The following CSMD3 variants were observed in gnomAD, a reference collection of about 807,000 sequenced individuals.
CSMD3 encodes CUB and sushi domain-containing protein 3.
CSMD3 carries 177 observed loss-of-function variants against 435.2 expected under a neutral mutation model. The ratio of observed to expected loss-of-function variants is 0.41; its 90% CI spans 0.36 to 0.46. The LOEUF is 0.46. Ranked by LOEUF, CSMD3 falls within the 20% of genes least tolerant of loss-of-function variation. CSMD3 has a pLI of 0.34. For synonymous variants in CSMD3, 1,656 were observed against 1,520.5 expected (o/e 1.09, Z -2.07); for missense variants, 4,265 against 4,504.6 (o/e 0.95, Z 1.52).
At chr8:112,931,804 T>C (rs2130710732) in intron 9 of CSMD3, among the ~76,000 whole-genome samples, 1 of 152,280 alleles carries the variant, frequency 6.6e-6, no homozygotes, top group Non-Finnish European at 1.5e-5. Flanking sequence ...CTGACATTTC[T>C]TAAAGGAAGA....
At chr8:113,193,829 T>C (rs1206497042) in intron 3 of CSMD3, among the ~76,000 whole-genome samples, 1 of 151,422 alleles carries the variant, frequency 6.6e-6, no homozygotes, top group Non-Finnish European at 1.5e-5. Flanking sequence ...ACATATGCAA[T>C]CTTGTTTATG....
intron 11 of CSMD3, among the ~76,000 whole-genome samples, chr8:112,851,336 C>A (rs892452466): frequency 1.3e-5 from 2 of 152,070 alleles, no homozygotes; most frequent in Non-Finnish European, 2.9e-5. Context: ...AGCAAAAAAA[C>A]TAACATGGAT....
chr8:112,631,911 C>T (rs536740267), intron 22 of CSMD3, among the ~76,000 whole-genome samples: 22 of 151,924 alleles, frequency 1.4e-4, no homozygotes, highest in Non-Finnish European at 2.5e-4. Flanking sequence ...ATGGTAAACT[C>T]TACGATCAAT....
intron 19 of CSMD3, among the ~76,000 whole-genome samples, chr8:112,649,711 G>T (rs6469432): frequency 0.77 from 116,507 of 152,140 alleles, 45,233 homozygotes; most frequent in African/African-American, 0.89. Context: ...CAGGGTAGTC[G>T]GAGTAAACTA....
At chr8:112,832,415 G>A (rs1166427179) in intron 11 of CSMD3, among the ~76,000 whole-genome samples, 1 of 152,112 alleles carries the variant, frequency 6.6e-6, no homozygotes, top group Non-Finnish European at 1.5e-5. Context: ...CATCAAAAGG[G>A]AGATTATCCT....
Position 112,954,664 on chromosome 8 carries a change from CA to C in CSMD3, c.1420+19del. 1.3e-6 allele frequency: 2 copies of C among 1,528,614 alleles called. No homozygotes were observed. The highest frequency in any genetic ancestry group is 1.8e-6 in the Non-Finnish European group (2 of 1,104,250). The allele number at this position is 1,528,614 out of a possible 1,614,324, so 94.7% of individuals were successfully genotyped here. On this transcript the variant is annotated intron_variant, in intron 8 of 70. Coordinates refer to ENST00000297405, the MANE Select transcript of CSMD3 (RefSeq NM_198123.2). ...TTCACTCTTGCACTAGAGAAAGTAACAAAAAAGAAGTACACTCACAGATAGA... is the reference window on the plus strand; with the variant it reads ...TTCACTCTTGCACTAGAGAAAGTAACAAAAAGAAGTACACTCACAGATAGA...
In CSMD3 at chr8:112,913,779, T is replaced by C. The variant is rs181810975; in HGVS notation, c.1633+7848A>G. Among the ~76,000 whole-genome samples, 494 of 152,026 alleles carry C rather than the reference T, an allele frequency of 3.2e-3. 4 individuals are homozygous for C. The highest frequency in any genetic ancestry group is 0.01 in the African/African-American group (431 of 41,524). ...CTCTATCTTTAATGTCTTACATTTT[T>C]CAATCTCTATGTCTGTCTTTCTTTC... On this transcript the variant is annotated intron_variant, in intron 10 of 70. Transcript: ENST00000297405.
intron 1 of CSMD3, among the ~76,000 whole-genome samples, chr8:113,349,113 A>C (rs1042957136): frequency 1.3e-5 from 2 of 152,102 alleles, no homozygotes; most frequent in Non-Finnish European, 2.9e-5. Flanking sequence ...CCTCACAGCT[A>C]AAAACTGTTG....
chr8:113,215,833 T>C (rs1311446025), intron 3 of CSMD3, among the ~76,000 whole-genome samples: 7 of 151,810 alleles, frequency 4.6e-5, no homozygotes, highest in Non-Finnish European at 1.5e-5. Context: ...TATACCTTTT[T>C]CTTTTTAAAA....
At chr8:112,917,854 C>T (rs530381633) in intron 10 of CSMD3, among the ~76,000 whole-genome samples, 14 of 152,030 alleles carry the variant, frequency 9.2e-5, no homozygotes, top group African/African-American at 3.1e-4. Flanking sequence ...CAAACTGATT[C>T]CCCAGATGTG....
intron 13 of CSMD3, among the ~76,000 whole-genome samples, chr8:112,736,564 A>G (rs1191604062): frequency 6.6e-6 from 1 of 152,024 alleles, no homozygotes; most frequent in African/African-American, 2.4e-5. Context: ...GGATTCCCCT[A>G]ATCTATGAAC....
chr8:112,524,980 A>G (rs1408824791), intron 27 of CSMD3, among the ~76,000 whole-genome samples: 1 of 151,760 alleles, frequency 6.6e-6, no homozygotes, highest in Admixed American at 6.6e-5. Context: ...TTTTATTAGT[A>G]TTGCCAGAAA....
chr8:112,304,791 T>C lies in CSMD3; in HGVS notation c.8196A>G (p.Leu2732=), dbSNP rs750713893. 52 of 1,613,776 alleles carry C rather than the reference T, an allele frequency of 3.2e-5. No individual in the cohort carries two copies. The highest frequency in any genetic ancestry group is 4.2e-5 in the Non-Finnish European group (50 of 1,179,820). Residue 2732 remains leucine, a synonymous_variant, in exon 52 of 71, where the codon CTA becomes CTG. Transcript: ENST00000297405. The part of the protein sequence containing the change: ...VFSCDPGYHG[L]GPASIECLPN... ...GAAGACATTCGATGGAGGCAGGACC[T>C]AGTCCATGATAACCAGGGTCACAGC...
chr8:112,770,626 T>C (rs761565314), intron 13 of CSMD3, among the ~76,000 whole-genome samples: 6 of 151,970 alleles, frequency 3.9e-5, no homozygotes, highest in Non-Finnish European at 7.4e-5. Context: ...AGTTCCAATA[T>C]CTCTATTATG....
chr8:112,357,732 G>C (rs560643712), intron 38 of CSMD3, among the ~76,000 whole-genome samples: 1 of 152,296 alleles, frequency 6.6e-6, no homozygotes, highest in South Asian at 2.1e-4. Flanking sequence ...CAGAAGTCAA[G>C]AATTGAGGTT....
intron 21 of CSMD3, 28 bp from the exon 22 acceptor site, chr8:112,637,033 G>C (rs201284626): frequency 1.5e-4 from 238 of 1,575,084 alleles, no homozygotes; most frequent in Admixed American, 3.0e-4. Context: ...AAATTTCCCC[G>C]CGGGGGAGGA....
intron 1 of CSMD3, among the ~76,000 whole-genome samples, chr8:113,384,318 G>C (rs2094430441): frequency 6.6e-6 from 1 of 152,080 alleles, no homozygotes; most frequent in African/African-American, 2.4e-5. Flanking sequence ...AATGAATTCT[G>C]TTTCCTCTAA....
intron 10 of CSMD3, among the ~76,000 whole-genome samples, chr8:112,898,723 T>C (rs994583344): frequency 6.6e-6 from 1 of 151,272 alleles, no homozygotes; most frequent in African/African-American, 2.4e-5. Flanking sequence ...TGTATTTTCA[T>C]ACAAAATTAC....
intron 27 of CSMD3, among the ~76,000 whole-genome samples, chr8:112,533,984 G>A (rs969973393): frequency 6.6e-6 from 1 of 151,894 alleles, no homozygotes; most frequent in Non-Finnish European, 1.5e-5. Flanking sequence ...CAAATAACAT[G>A]GAAATTAAAT....
Sources: gnomAD v4.1 joint callset for allele counts (sites outside exome capture counted in the v4.1 genomes callset) on GRCh38, gnomAD v4.1.1 for gene constraint, MANE v1.5 for transcripts, NCBI Gene and HGNC (gene_info 2026-07-23, HGNC 2026-07-21) for gene names.